NCAM2: variants seen among roughly 807,000 people sequenced by gnomAD.
NCAM2 encodes the protein N-CAM-2.
NCAM2 carries 30 observed loss-of-function variants against 98.1 expected under a neutral mutation model. The observed-to-expected ratio is 0.31, with a 90% CI of 0.23 to 0.41. The LOEUF is 0.41. NCAM2 is among the 10% of genes least tolerant of loss of function. The probability of loss-of-function intolerance (pLI) is 1.00; values close to 1 mark genes in which losing one functional copy is unlikely to be tolerated. For missense variants in NCAM2, 867 were observed against 1,005.8 expected, an observed-to-expected ratio of 0.86 and a Z score of 1.87; for synonymous variants, 368 against 342.4, an observed-to-expected ratio of 1.07 and a Z score of -0.83.
At chr21:21,026,705 T>C (rs2064553004) in intron 1 of NCAM2, among the ~76,000 whole-genome samples, 1 of 152,150 alleles carries the variant, frequency 6.6e-6, no homozygotes, top group South Asian at 2.1e-4. Context: ...TTCTGTTTGA[T>C]AACATAACCT....
At chr21:21,212,322 T>C (rs1236675004) in intron 1 of NCAM2, among the ~76,000 whole-genome samples, 2 of 152,246 alleles carry the variant, frequency 1.3e-5, no homozygotes, top group Non-Finnish European at 2.9e-5. Flanking sequence ...ATTCTACTTA[T>C]CTAAAATGTT....
intron 5 of NCAM2, among the ~76,000 whole-genome samples, chr21:21,303,503 A>G (rs767830017): frequency 4.6e-5 from 7 of 151,900 alleles, no homozygotes; most frequent in Non-Finnish European, 1.0e-4. Context: ...AGATTTCACA[A>G]TTTTCTTACC....
intron 6 of NCAM2, among the ~76,000 whole-genome samples, chr21:21,326,277 G>C (rs1483273817): frequency 1.3e-5 from 2 of 152,168 alleles, no homozygotes; most frequent in African/African-American, 4.8e-5. Flanking sequence ...ATGATTCCAA[G>C]TTTGATAGTA....
chr21:21,454,808 A>C (rs955406084), intron 12 of NCAM2, among the ~76,000 whole-genome samples: 1 of 151,972 alleles, frequency 6.6e-6, no homozygotes, highest in South Asian at 2.1e-4. Flanking sequence ...TTTAAGGAGA[A>C]AACACCTGCT....
intron 1 of NCAM2, among the ~76,000 whole-genome samples, chr21:21,082,863 G>T (rs983275019): frequency 6.6e-6 from 1 of 152,068 alleles, no homozygotes; most frequent in Non-Finnish European, 1.5e-5. Context: ...CTCTCCCTGA[G>T]GAGCTCTTCC....
Position 21,541,323 on chromosome 21 carries a change from T to C in NCAM2, c.*3366T>C, listed in dbSNP as rs997703575. ...GAGATACTCAAATGATGCTGTCTTA[T>C]TTACAGTCAGTAATTAAGTTCAATT... On this transcript the variant is annotated 3_prime_UTR_variant, in exon 18 of 18. Transcript: ENST00000400546. 1 of 151,700 alleles carries C rather than the reference T, an allele frequency of 6.6e-6. No homozygotes were observed. Among genetic ancestry groups the C allele is most frequent in the Non-Finnish European group, 1.5e-5 (1 of 67,736 alleles). 9.4% of individuals were successfully genotyped at this position (151,700 alleles called of 1,614,324 possible).
Position 21,432,291 on chromosome 21 carries a change from C to A in NCAM2, c.1654+10C>A. On this transcript the variant is annotated intron_variant, in intron 12 of 17. Transcript: ENST00000400546. ...TCCCATGGAGTTCAAAGTGAGTCAA[C>A]AATTTCAAAATGTGTTGGTTAATTC... is the stretch of plus-strand genomic sequence containing the variant. 1 of 1,610,238 alleles carries A rather than the reference C, an allele frequency of 6.2e-7. No homozygotes were observed. The highest frequency in any genetic ancestry group is 8.5e-7 in the Non-Finnish European group (1 of 1,177,258).
chr21:21,032,984 G>A (rs933127780), intron 1 of NCAM2, among the ~76,000 whole-genome samples: 3 of 143,850 alleles, frequency 2.1e-5, no homozygotes, highest in African/African-American at 5.3e-5. Context: ...CACTCTTGTT[G>A]CCCAGGCTGG....
At chr21:21,444,868 C>T (rs1189740290) in intron 12 of NCAM2, among the ~76,000 whole-genome samples, 2 of 152,080 alleles carry the variant, frequency 1.3e-5, no homozygotes, top group African/African-American at 4.8e-5. Context: ...TTCTTGTCTT[C>T]TGCTAGCTTT....
chr21:21,315,439 T>G (rs9983827), intron 5 of NCAM2, among the ~76,000 whole-genome samples: 1 of 152,006 alleles, frequency 6.6e-6, no homozygotes, highest in Non-Finnish European at 1.5e-5. Flanking sequence ...CTTATTTATC[T>G]CTCTCTGCCC....
chr21:21,536,517 G>A (rs987794967), intron 17 of NCAM2, among the ~76,000 whole-genome samples: 2 of 151,040 alleles, frequency 1.3e-5, no homozygotes, highest in East Asian at 2.0e-4. Context: ...TCAGCCTCCC[G>A]AATAGCTGGG....
At chr21:21,364,310 C>T (rs1412136740) in intron 8 of NCAM2, among the ~76,000 whole-genome samples, 1 of 151,758 alleles carries the variant, frequency 6.6e-6, no homozygotes, top group Non-Finnish European at 1.5e-5. Flanking sequence ...AACAAGACAG[C>T]CTGAGGATCA....
intron 8 of NCAM2, among the ~76,000 whole-genome samples, chr21:21,353,844 A>C (rs2075402908): frequency 6.6e-6 from 1 of 152,220 alleles, no homozygotes; most frequent in Non-Finnish European, 1.5e-5. Flanking sequence ...GGAAAAAAAG[A>C]ACATATTGTG....
intron 1 of NCAM2, among the ~76,000 whole-genome samples, chr21:21,244,033 C>T (rs2071170339): frequency 6.6e-6 from 1 of 152,096 alleles, no homozygotes. Context: ...TTAAGAGCTT[C>T]CAGTGTAATC....
chr21:21,265,170 T>A (rs1184856593), intron 1 of NCAM2, among the ~76,000 whole-genome samples: 4 of 122,828 alleles, frequency 3.3e-5, no homozygotes, highest in Admixed American at 1.9e-4. Flanking sequence ...TTATATATAT[T>A]ATATATGTAT....
chr21:21,145,003 ACT>A (rs75310394), intron 1 of NCAM2, among the ~76,000 whole-genome samples: 4,958 of 152,164 alleles, frequency 0.033, 170 homozygotes, highest in East Asian at 0.17. Flanking sequence ...TGTTACTGGC[ACT>A]GATATGAATA....
At position 21,536,632 on chromosome 21, in the gene NCAM2, C is replaced by T. The variant is rs773455737; in HGVS notation, c.2403-1214C>T. Reference sequence around the variant, plus strand: ...CTCCAACTCCTGACCTCATGTGATCCGCCCGCCTTGGCCTCCCAAAGTGCT... The same window carrying T: ...CTCCAACTCCTGACCTCATGTGATCTGCCCGCCTTGGCCTCCCAAAGTGCT... On this transcript the variant is annotated intron_variant, in intron 17 of 17. Coordinates refer to ENST00000400546, the MANE Select transcript of NCAM2 (RefSeq NM_004540.5). 6.6e-5 allele frequency among the ~76,000 whole-genome samples: 10 copies of T among 152,016 alleles called. No individual in the cohort carries two copies. The East Asian group carries it at 7.7e-4, about 12-fold the overall frequency.
At chr21:21,195,200 A>G (rs551284285) in intron 1 of NCAM2, among the ~76,000 whole-genome samples, 2 of 152,212 alleles carry the variant, frequency 1.3e-5, no homozygotes, top group Non-Finnish European at 2.9e-5. Flanking sequence ...AGAACCTCAA[A>G]GAAATAAACA....
chr21:21,011,570 CTGT>C (rs1387370237), intron 1 of NCAM2, among the ~76,000 whole-genome samples: 1 of 151,966 alleles, frequency 6.6e-6, no homozygotes, highest in Non-Finnish European at 1.5e-5. Flanking sequence ...ATAGTTATTT[CTGT>C]TGTTGTTAGA....
Sources: gnomAD v4.1 joint callset for allele counts (sites outside exome capture counted in the v4.1 genomes callset) on GRCh38, gnomAD v4.1.1 for gene constraint, MANE v1.5 for transcripts, NCBI Gene and HGNC (gene_info 2026-07-23, HGNC 2026-07-21) for gene names.